Variants in ROBO2 observed in about 807,000 individuals in gnomAD.
ROBO2 encodes the protein roundabout guidance receptor 2.
In ROBO2, 53 loss-of-function variants were observed where a neutral mutation model predicts 160.8. That is an observed-to-expected ratio of 0.33 (90% CI 0.26 to 0.41). ROBO2 has a LOEUF of 0.41. ROBO2 is among the 10% of genes least tolerant of loss of function. The pLI is 1.00. For synonymous variants in ROBO2, 664 were observed against 611.7 expected, an observed-to-expected ratio of 1.09 and a Z score of -1.26; for missense variants, 1,577 against 1,722.4, an observed-to-expected ratio of 0.92 and a Z score of 1.49.
intron 2 of ROBO2, among the ~76,000 whole-genome samples, chr3:75,956,832 G>T (rs928604614): frequency 1.3e-5 from 2 of 151,678 alleles, no homozygotes; most frequent in African/African-American, 4.8e-5. Context: ...TTTGCCATTC[G>T]CATTGGCCCA....
intron 2 of ROBO2, among the ~76,000 whole-genome samples, chr3:77,142,281 T>G (rs907521074): frequency 6.6e-6 from 1 of 152,246 alleles, no homozygotes; most frequent in African/African-American, 2.4e-5. Context: ...CTGTATTTGA[T>G]AAAGTCTTAA....
At chr3:77,168,899 CTCA>C (rs1179918351) in intron 2 of ROBO2, among the ~76,000 whole-genome samples, 2 of 152,186 alleles carry the variant, frequency 1.3e-5, no homozygotes, top group Non-Finnish European at 2.9e-5. Flanking sequence ...TTTACCCTCT[CTCA>C]TCTGTGGGAT....
intron 22 of ROBO2, 173 bp downstream of exon 23, chr3:77,617,946 GCCAAAACTAGAA>G: frequency 2.8e-6 from 2 of 709,918 alleles, no homozygotes; most frequent in East Asian, 5.5e-5. Flanking sequence ...AAATAATTTG[GCCAAAACTAGAA>G]CTAGAACTAG....
At chr3:77,308,897 G>A (rs1038324742) in intron 2 of ROBO2, among the ~76,000 whole-genome samples, 4 of 152,014 alleles carry the variant, frequency 2.6e-5, no homozygotes, top group Non-Finnish European at 5.9e-5. Flanking sequence ...TTTAATCCAA[G>A]GTCAAGATTA....
chr3:76,200,045 C>G (rs985655004), intron 2 of ROBO2, among the ~76,000 whole-genome samples: 1 of 152,082 alleles, frequency 6.6e-6, no homozygotes, highest in African/African-American at 2.4e-5. Context: ...CTCTATTTAT[C>G]TGAAGTTCTC....
intron 2 of ROBO2, among the ~76,000 whole-genome samples, chr3:77,188,321 A>C (rs2081475106): frequency 8.0e-6 from 1 of 124,348 alleles, no homozygotes; most frequent in Non-Finnish European, 1.8e-5. Context: ...AAAGAGAAAC[A>C]CTAATATTAG....
intron 2 of ROBO2, among the ~76,000 whole-genome samples, chr3:76,063,108 A>G (rs1290824296): frequency 1.3e-5 from 2 of 152,166 alleles, no homozygotes; most frequent in Non-Finnish European, 2.9e-5. Context: ...CTGATACTCA[A>G]ATACTTAACC....
intron 2 of ROBO2, among the ~76,000 whole-genome samples, chr3:77,195,411 T>C (rs2150972875): frequency 6.6e-6 from 1 of 152,304 alleles, no homozygotes; most frequent in East Asian, 1.9e-4. Flanking sequence ...ATATAGCTTT[T>C]TCTCTTTCAA....
intron 2 of ROBO2, among the ~76,000 whole-genome samples, chr3:77,172,630 C>G (rs1464237431): frequency 6.6e-6 from 1 of 152,048 alleles, no homozygotes; most frequent in Non-Finnish European, 1.5e-5. Context: ...AATATATAGA[C>G]AAGTAGTGTG....
chr3:77,221,942 T>C (rs1473947004), intron 2 of ROBO2, among the ~76,000 whole-genome samples: 1 of 146,832 alleles, frequency 6.8e-6, no homozygotes, highest in South Asian at 2.2e-4. Context: ...AACCTCCGCC[T>C]CCCAGATTCA....
intron 2 of ROBO2, among the ~76,000 whole-genome samples, chr3:77,252,817 A>AAG (rs2090496754): frequency 7.5e-4 from 28 of 37,284 alleles, no homozygotes; most frequent in Admixed American, 1.0e-3. Context: ...CAAAAAAAAA[A>AAG]AAAAAAAAAA....
At chr3:76,013,437 T>G (rs1359032232) in intron 2 of ROBO2, among the ~76,000 whole-genome samples, 4 of 149,778 alleles carry the variant, frequency 2.7e-5, no homozygotes, top group African/African-American at 9.9e-5. Flanking sequence ...GTAATATGTA[T>G]AAAGGCATTT....
intron 2 of ROBO2, among the ~76,000 whole-genome samples, chr3:77,388,162 AC>A (rs2074333840): frequency 6.6e-6 from 1 of 152,006 alleles, no homozygotes; most frequent in Non-Finnish European, 1.5e-5. Flanking sequence ...ACACACACAC[AC>A]ACACACACAA....
chr3:77,124,000 G>GAT (rs1373104485), intron 2 of ROBO2, among the ~76,000 whole-genome samples: 18 of 150,362 alleles, frequency 1.2e-4, no homozygotes, highest in Admixed American at 5.3e-4. Flanking sequence ...TATCTATATA[G>GAT]ATATATATAT....
intron 2 of ROBO2, among the ~76,000 whole-genome samples, chr3:76,177,349 CA>C (rs2073267982): frequency 6.6e-6 from 1 of 152,098 alleles, no homozygotes; most frequent in Admixed American, 6.6e-5. Flanking sequence ...CTGTCATTTT[CA>C]AAAACAATTG....
intron 2 of ROBO2, among the ~76,000 whole-genome samples, chr3:76,054,552 A>G (rs541020336): frequency 6.6e-6 from 1 of 152,324 alleles, no homozygotes; most frequent in African/African-American, 2.4e-5. Flanking sequence ...TCTTGTTTAC[A>G]TGCCTATTGC....
chr3:77,366,789 G>C (rs2070943689), intron 2 of ROBO2, among the ~76,000 whole-genome samples: 1 of 151,972 alleles, frequency 6.6e-6, no homozygotes, highest in Non-Finnish European at 1.5e-5. Flanking sequence ...AAGAGACAGA[G>C]AGAGAGATAC....
chr3:76,720,116 C>T (rs1213187458), intron 2 of ROBO2, among the ~76,000 whole-genome samples: 2 of 152,126 alleles, frequency 1.3e-5, no homozygotes, highest in African/African-American at 2.4e-5. Flanking sequence ...GATCCCTCAT[C>T]AGTGTTATTG....
chr3:77,527,540 A>G (rs1203945213), intron 6 of ROBO2, 126 bp downstream of exon 7: 3 of 653,900 alleles, frequency 4.6e-6, no homozygotes, highest in East Asian at 1.7e-4. Context: ...TTGAGACTGT[A>G]TGCTGTAAAA....
Sources: gnomAD v4.1 joint callset for allele counts (sites outside exome capture counted in the v4.1 genomes callset) on GRCh38, gnomAD v4.1.1 for gene constraint, MANE v1.5 for transcripts, NCBI Gene and HGNC (gene_info 2026-07-23, HGNC 2026-07-21) for gene names.